Variants in ZNG1E observed in about 807,000 individuals in gnomAD.
ZNG1E encodes the protein Zn regulated GTPase metalloprotein activator 1E.
chr9:65,667,221 G>A, the ZNG1E span, among the ~76,000 whole-genome samples: 1 of 152,298 alleles, frequency 6.6e-6, no homozygotes, highest in African/African-American at 2.4e-5. Flanking sequence ...CTTTCTTCTA[G>A]CATCAGTTCA....
chr9:65,684,743 G>A, the ZNG1E span, among the ~76,000 whole-genome samples: 232 of 152,184 alleles, frequency 1.5e-3, no homozygotes, highest in African/African-American at 5.3e-3. Context: ...AGGGGGTCAA[G>A]CAAGCTGTTT....
the ZNG1E span, among the ~76,000 whole-genome samples, chr9:65,710,664 T>C: frequency 6.6e-6 from 1 of 151,746 alleles, no homozygotes; most frequent in East Asian, 1.9e-4. Flanking sequence ...CAGATAGTTG[T>C]AGATATGCGG....
the ZNG1E span, among the ~76,000 whole-genome samples, chr9:65,661,166 T>C: frequency 4.2e-4 from 58 of 137,722 alleles, no homozygotes; most frequent in Non-Finnish European, 6.9e-4. Context: ...CCTTGGAGGG[T>C]GTGGGTAAGA....
At chr9:65,675,182 A>G in the ZNG1E span, among the ~76,000 whole-genome samples, 1 of 152,294 alleles carries the variant, frequency 6.6e-6, no homozygotes, top group Non-Finnish European at 1.5e-5. Flanking sequence ...GGGGCGGTGC[A>G]CATAGGTACG....
the ZNG1E span, among the ~76,000 whole-genome samples, chr9:65,659,083 T>C: frequency 6.6e-6 from 1 of 152,226 alleles, no homozygotes; most frequent in African/African-American, 2.4e-5. Context: ...AAATCCTATG[T>C]GTTTCCGTGC....
At chr9:65,661,738 G>A in the ZNG1E span, among the ~76,000 whole-genome samples, 3 of 152,204 alleles carry the variant, frequency 2.0e-5, no homozygotes, top group Non-Finnish European at 4.4e-5. Flanking sequence ...GCAGACCAAT[G>A]GTTACCTGGG....
the ZNG1E span, among the ~76,000 whole-genome samples, chr9:65,714,317 T>C: frequency 6.6e-6 from 1 of 151,418 alleles, no homozygotes; most frequent in African/African-American, 2.5e-5. Context: ...TCCCGTAGCT[T>C]GGAGTAATTT....
chr9:65,667,183 A>G, the ZNG1E span, among the ~76,000 whole-genome samples: 2 of 152,236 alleles, frequency 1.3e-5, no homozygotes, highest in African/African-American at 4.8e-5. Flanking sequence ...AACCAGCACT[A>G]TTATCAAGAT....
the ZNG1E span, among the ~76,000 whole-genome samples, chr9:65,660,226 A>G: frequency 1.5e-5 from 2 of 136,950 alleles, no homozygotes; most frequent in African/African-American, 6.3e-5. Context: ...AATGAAATTA[A>G]AAGAATACTG....
At chr9:65,673,792 G>T in the ZNG1E span, among the ~76,000 whole-genome samples, 1 of 152,408 alleles carries the variant, frequency 6.6e-6, no homozygotes, top group African/African-American at 2.4e-5. Context: ...GCGACAGAGT[G>T]AGACCCTGTC....
the ZNG1E span, among the ~76,000 whole-genome samples, chr9:65,675,646 A>G: frequency 6.7e-6 from 1 of 149,032 alleles, no homozygotes; most frequent in African/African-American, 2.6e-5. Flanking sequence ...TACAGCCAGT[A>G]GCTTATTAAG....
chr9:65,667,428 A>T, the ZNG1E span, among the ~76,000 whole-genome samples: 1 of 152,284 alleles, frequency 6.6e-6, no homozygotes, highest in Non-Finnish European at 1.5e-5. Context: ...TAATATTAAA[A>T]TATATTGAAT....
the ZNG1E span, among the ~76,000 whole-genome samples, chr9:65,688,069 T>C: frequency 6.6e-6 from 1 of 151,700 alleles, no homozygotes; most frequent in Non-Finnish European, 1.5e-5. Context: ...ATGTGTCTTT[T>C]ACCTTTGCAT....
the ZNG1E span, chr9:65,706,717 AGT>A: frequency 1.5e-5 from 2 of 136,824 alleles, no homozygotes; most frequent in Non-Finnish European, 3.1e-5. Flanking sequence ...TCTGTAAAAG[AGT>A]GTAATTTGTT....
chr9:65,674,244 T>C, the ZNG1E span, among the ~76,000 whole-genome samples: 1 of 151,952 alleles, frequency 6.6e-6, no homozygotes, highest in East Asian at 1.9e-4. Context: ...AGTGTATGTG[T>C]GAATATAATA....
the ZNG1E span, among the ~76,000 whole-genome samples, chr9:65,688,236 AT>A: frequency 7.7e-6 from 1 of 129,592 alleles, no homozygotes; most frequent in East Asian, 2.1e-4. Context: ...TTATTAATTA[AT>A]TGGTTAAGTC....
chr9:65,714,663 T>C, the ZNG1E span, among the ~76,000 whole-genome samples: 1 of 152,084 alleles, frequency 6.6e-6, no homozygotes, highest in Non-Finnish European at 1.5e-5. Context: ...TCAGCCTGCC[T>C]CTGCTAGGGG....
At chr9:65,707,081 G>A in the ZNG1E span, 5 of 96,160 alleles carry the variant, frequency 5.2e-5, no homozygotes, top group Non-Finnish European at 1.0e-4. Flanking sequence ...TGCGATCTCG[G>A]CTCACTGAAA....
the ZNG1E span, among the ~76,000 whole-genome samples, chr9:65,714,366 A>T: frequency 6.6e-6 from 1 of 151,782 alleles, no homozygotes; most frequent in Admixed American, 6.6e-5. Flanking sequence ...CGTCAAAGTC[A>T]TTCTCCGTCC....
Sources: gnomAD v4.1 joint callset for allele counts (sites outside exome capture counted in the v4.1 genomes callset) on GRCh38, gnomAD v4.1.1 for gene constraint, MANE v1.5 for transcripts, NCBI Gene and HGNC (gene_info 2026-07-23, HGNC 2026-07-21) for gene names.